The following NLGN1 variants were observed in gnomAD, a reference collection of about 807,000 sequenced individuals.
The protein encoded by NLGN1 is neuroligin 1.
Under a neutral mutation model 65.5 loss-of-function variants are expected in NLGN1, and 12 were observed. That is an observed-to-expected ratio of 0.18 (90% confidence interval 0.12 to 0.30). NLGN1 has a LOEUF of 0.30. Among genes scored for constraint, NLGN1 ranks in the 10% least tolerant of loss-of-function variants. The pLI, the probability that NLGN1 is intolerant of heterozygous loss-of-function variation, is 1.00. For synonymous variants in NLGN1, 350 were observed against 359.5 expected (o/e 0.97, Z 0.30); for missense variants, 750 against 1,007.1 (o/e 0.74, Z 3.46).
chr3:173,769,187 A>G (rs1292910725), intron 3 of NLGN1, among the ~76,000 whole-genome samples: 2 of 151,754 alleles, frequency 1.3e-5, no homozygotes, highest in Non-Finnish European at 2.9e-5. Flanking sequence ...TACCCCTTAC[A>G]CTCATCTTTT....
chr3:174,158,658 G>T (rs1022946322), intron 4 of NLGN1, among the ~76,000 whole-genome samples: 2 of 151,704 alleles, frequency 1.3e-5, no homozygotes, highest in Non-Finnish European at 3.0e-5. Flanking sequence ...ATTAATGTTT[G>T]AGAAACACTT....
At chr3:173,806,272 G>C (rs937535480) in intron 3 of NLGN1, among the ~76,000 whole-genome samples, 2 of 152,024 alleles carry the variant, frequency 1.3e-5, no homozygotes, top group Admixed American at 1.3e-4. Context: ...TTACGCTAGA[G>C]AAATCAAGGC....
intron 4 of NLGN1, among the ~76,000 whole-genome samples, chr3:174,268,651 T>A (rs2152873461): frequency 6.6e-6 from 1 of 152,234 alleles, no homozygotes; most frequent in South Asian, 2.1e-4. Flanking sequence ...GAAGGAACAA[T>A]CTCACCTCTT....
At chr3:174,029,397 G>A (rs1037377454) in intron 4 of NLGN1, among the ~76,000 whole-genome samples, 2 of 152,192 alleles carry the variant, frequency 1.3e-5, no homozygotes, top group Admixed American at 6.5e-5. Context: ...CTTGCATGGG[G>A]CCTGTAGCCC....
intron 2 of NLGN1, among the ~76,000 whole-genome samples, chr3:173,585,983 C>T (rs1486712541): frequency 6.6e-6 from 1 of 152,116 alleles, no homozygotes; most frequent in African/African-American, 2.4e-5. Context: ...TGCTTTGGAA[C>T]CCAGAAAAGC....
intron 3 of NLGN1, among the ~76,000 whole-genome samples, chr3:173,689,771 A>G (rs571493171): frequency 6.6e-6 from 1 of 152,280 alleles, no homozygotes; most frequent in South Asian, 2.1e-4. Context: ...TGGATGAACT[A>G]CAATAAAAAT....
intron 4 of NLGN1, among the ~76,000 whole-genome samples, chr3:174,112,301 A>G (rs533581138): frequency 6.6e-6 from 1 of 151,998 alleles, no homozygotes; most frequent in African/African-American, 2.4e-5. Context: ...ATAAATGGAA[A>G]TCAATTAAAA....
At chr3:173,995,752 T>A (rs1342188153) in intron 4 of NLGN1, among the ~76,000 whole-genome samples, 1 of 151,194 alleles carries the variant, frequency 6.6e-6, no homozygotes, top group East Asian at 2.0e-4. Flanking sequence ...AGTGGCTCCA[T>A]CCTGGCTCAC....
At chr3:174,084,086 A>G (rs1561002914) in intron 4 of NLGN1, among the ~76,000 whole-genome samples, 1 of 152,142 alleles carries the variant, frequency 6.6e-6, no homozygotes, top group African/African-American at 2.4e-5. Context: ...AAGCAGGAAT[A>G]TTTTTTCACA....
intron 4 of NLGN1, among the ~76,000 whole-genome samples, chr3:173,925,822 TCA>T (rs1742899505): frequency 6.6e-6 from 1 of 152,010 alleles, no homozygotes; most frequent in Non-Finnish European, 1.5e-5. Flanking sequence ...TAATAATGAA[TCA>T]GCACCCAGAT....
intron 3 of NLGN1, chr3:173,644,431 A>G (rs1478440661): frequency 3.3e-5 from 5 of 152,232 alleles, no homozygotes; most frequent in Non-Finnish European, 7.5e-5. Context: ...CATGGCTGCT[A>G]CCCACTGCTA....
chr3:174,004,335 A>G (rs1010969982), intron 4 of NLGN1, among the ~76,000 whole-genome samples: 2 of 152,174 alleles, frequency 1.3e-5, no homozygotes, highest in African/African-American at 4.8e-5. Context: ...TGAAAGTAAA[A>G]GCCTGTTTGT....
chr3:174,084,428 AT>A (rs1180045025), intron 4 of NLGN1, among the ~76,000 whole-genome samples: 1 of 152,156 alleles, frequency 6.6e-6, no homozygotes, highest in African/African-American at 2.4e-5. Flanking sequence ...TTTTAAAAAA[AT>A]AAGACTTTCT....
At chr3:173,531,289 A>G (rs968324238) in intron 2 of NLGN1, among the ~76,000 whole-genome samples, 1 of 152,130 alleles carries the variant, frequency 6.6e-6, no homozygotes, top group Non-Finnish European at 1.5e-5. Flanking sequence ...CAAGAACTTT[A>G]AAGTTTGGTA....
At chr3:174,281,371 T>G in exon 7 of NLGN1, 1 of 987,506 alleles carries the variant, frequency 1.0e-6, no homozygotes, top group Middle Eastern at 2.2e-4. Context: ...ATTCCTTGGC[T>G]TTCAACCTAC....
At chr3:174,046,277 T>C (rs1733571590) in intron 4 of NLGN1, among the ~76,000 whole-genome samples, 1 of 152,222 alleles carries the variant, frequency 6.6e-6, no homozygotes, top group Non-Finnish European at 1.5e-5. Flanking sequence ...GTTTTGTTCT[T>C]TAAATAATAA....
At chr3:174,010,725 T>A (rs2152440334) in intron 4 of NLGN1, among the ~76,000 whole-genome samples, 1 of 152,324 alleles carries the variant, frequency 6.6e-6, no homozygotes, top group South Asian at 2.1e-4. Context: ...TCAAAATTTC[T>A]TGTCTCTGCA....
At chr3:174,007,042 A>G (rs1201363177) in intron 4 of NLGN1, among the ~76,000 whole-genome samples, 2 of 152,110 alleles carry the variant, frequency 1.3e-5, no homozygotes, top group Non-Finnish European at 2.9e-5. Context: ...CACTGCAGCC[A>G]GTGTGACAGA....
intron 4 of NLGN1, among the ~76,000 whole-genome samples, chr3:174,272,933 C>CTCTT (rs1252435074): frequency 6.6e-6 from 1 of 151,218 alleles, no homozygotes; most frequent in African/African-American, 2.4e-5. Flanking sequence ...TTCTTTAAAA[C>CTCTT]TCTTTCTTGA....
Sources: allele counts gnomAD v4.1 joint callset (sites outside exome capture counted in the v4.1 genomes callset), GRCh38; gene constraint gnomAD v4.1.1; transcripts MANE v1.5; gene names NCBI Gene and HGNC (gene_info 2026-07-23, HGNC 2026-07-21).